The following ATRNL1 variants were observed in gnomAD, a reference collection of about 807,000 sequenced individuals.
The protein encoded by ATRNL1 is attractin-like protein 1.
ATRNL1 carries 95 observed loss-of-function variants against 182.7 expected under a neutral mutation model. That is an observed-to-expected ratio of 0.52 (90% CI 0.44 to 0.62). The LOEUF is 0.62. Ranked by LOEUF, ATRNL1 falls within the 20% of genes least tolerant of loss-of-function variation. The pLI, the probability that ATRNL1 is intolerant of heterozygous loss-of-function variation, is 0.00. For missense variants in ATRNL1, 1,471 were observed against 1,679.5 expected (o/e 0.88, Z 2.17); for synonymous variants, 576 against 568.3 (o/e 1.01, Z -0.19).
At chr10:115,839,321 C>T (rs1458597990) in intron 27 of ATRNL1, among the ~76,000 whole-genome samples, 4 of 152,052 alleles carry the variant, frequency 2.6e-5, no homozygotes, top group African/African-American at 9.7e-5. Flanking sequence ...TGCACGTGTC[C>T]GTTTCCATCC....
rs1314590902 is a variant in ATRNL1 at position 115,267,125 on chromosome 10, C to T, written c.1981+120C>T. The stretch of plus-strand genomic sequence containing the variant: ...ACAGAAATGAAAAATTTGTATTACC[C>T]TAATTAGGAATTCTAATGTTTGAAC... On this transcript the variant is annotated intron_variant, in intron 12 of 28. Transcript: ENST00000355044. 8 of 631,302 alleles carry T rather than the reference C, an allele frequency of 1.3e-5. No individual in the cohort carries two copies. In the East Asian group the frequency reaches 2.2e-4, roughly 17 times the overall value. The allele number at this position is 631,302 out of a possible 1,614,324, so 39.1% of individuals were successfully genotyped here. A position where few individuals can be genotyped will look rare whatever the true frequency, so the allele number is the denominator to read the frequency against.
At chr10:115,467,700 C>T (rs1193500420) in intron 23 of ATRNL1, among the ~76,000 whole-genome samples, 2 of 150,590 alleles carry the variant, frequency 1.3e-5, no homozygotes, top group Admixed American at 1.3e-4. Context: ...AATATAACCC[C>T]TCTTGTCAGC....
rs188503660 is a variant in ATRNL1 at position 115,517,156 on chromosome 10, A to G, written c.3655-2107A>G. On this transcript the variant is annotated intron_variant, in intron 24 of 28. Coordinates refer to ENST00000355044, the MANE Select transcript of ATRNL1 (RefSeq NM_207303.4). The stretch of plus-strand genomic sequence containing the variant: ...ACTTTTAAAAGAGATATGCATGTTA[A>G]TAATTTCTTCCAAAATTTTGCCATT... 5.3e-5 allele frequency among the ~76,000 whole-genome samples: 8 copies of G among 152,074 alleles called. No individual in the cohort carries two copies. The East Asian group carries it at 1.5e-3, about 29-fold the overall frequency.
chr10:115,537,906 G>C (rs1572403), intron 25 of ATRNL1, among the ~76,000 whole-genome samples: 106,390 of 151,914 alleles, frequency 0.7, 38,351 homozygotes, highest in African/African-American at 0.79. Context: ...ACCCCTACAC[G>C]CTGGCAACCA....
chr10:115,634,587 A>G (rs536809469), intron 26 of ATRNL1, among the ~76,000 whole-genome samples: 1 of 152,294 alleles, frequency 6.6e-6, no homozygotes, highest in East Asian at 1.9e-4. Context: ...GTAGAATTCT[A>G]TTTTGGATAA....
chr10:115,407,985 C>CTTTTTTTT (rs71010022), intron 20 of ATRNL1, among the ~76,000 whole-genome samples: 9 of 97,808 alleles, frequency 9.2e-5, no homozygotes, highest in East Asian at 6.5e-4. Flanking sequence ...ATTTGCATTT[C>CTTTTTTTT]TTTTTTTTTT....
intron 19 of ATRNL1, among the ~76,000 whole-genome samples, chr10:115,375,173 A>G (rs868930589): frequency 2.6e-5 from 4 of 151,814 alleles, no homozygotes; most frequent in Middle Eastern, 3.4e-3. Flanking sequence ...TTTGGTGCAT[A>G]TATATTTATA....
intron 15 of ATRNL1, among the ~76,000 whole-genome samples, chr10:115,290,666 G>A (rs114702990): frequency 0.013 from 1,974 of 151,922 alleles, 39 homozygotes; most frequent in African/African-American, 0.046. Context: ...CCCCACCCCC[G>A]TCCAAAAAAG....
chr10:115,752,260 T>C (rs561008910), intron 27 of ATRNL1, among the ~76,000 whole-genome samples: 2 of 152,052 alleles, frequency 1.3e-5, no homozygotes, highest in Non-Finnish European at 2.9e-5. Context: ...AGGAAGATGA[T>C]GAAACATCCA....
chr10:115,884,342 G>A (rs1951894820), intron 28 of ATRNL1, among the ~76,000 whole-genome samples: 1 of 152,182 alleles, frequency 6.6e-6, no homozygotes, highest in Non-Finnish European at 1.5e-5. Flanking sequence ...CATGCAGAAT[G>A]TTTAAGCCAT....
chr10:115,680,918 G>A (rs781875518), intron 26 of ATRNL1, among the ~76,000 whole-genome samples: 19 of 152,120 alleles, frequency 1.2e-4, no homozygotes, highest in Admixed American at 2.0e-4. Context: ...TGAATGATGG[G>A]CTTGAGAGAA....
intron 27 of ATRNL1, among the ~76,000 whole-genome samples, chr10:115,837,438 C>T (rs1555095793): frequency 7.3e-6 from 1 of 136,770 alleles, no homozygotes; most frequent in African/African-American, 2.9e-5. Context: ...AATGAGGAGA[C>T]AGCTAGTAAG....
rs371301065 is a variant in ATRNL1 at position 115,757,292 on chromosome 10, G to T, written c.3903+29937G>T. 4.7e-4 allele frequency among the ~76,000 whole-genome samples: 72 copies of T among 152,278 alleles called. No individual in the cohort carries two copies. In the East Asian group the frequency reaches 6.9e-3, roughly 15 times the overall value. ...AATTTGGTATGTTTTTGCAGTGGCT[G>T]GTACCAGTTGTTTCTTTCCATGTGT... On this transcript the variant is annotated intron_variant, in intron 27 of 28. Coordinates refer to ENST00000355044, the MANE Select transcript of ATRNL1 (RefSeq NM_207303.4).
chr10:115,178,078 C>T (rs1244815840), intron 8 of ATRNL1, among the ~76,000 whole-genome samples: 1 of 150,108 alleles, frequency 6.7e-6, no homozygotes, highest in Non-Finnish European at 1.5e-5. Flanking sequence ...ACCACCACAC[C>T]CAGCTACTTT....
intron 24 of ATRNL1, among the ~76,000 whole-genome samples, chr10:115,473,395 ATATT>A (rs1446623189): frequency 3.3e-5 from 5 of 150,788 alleles, no homozygotes; most frequent in South Asian, 2.1e-4. Flanking sequence ...TGTTGCTATT[ATATT>A]TATTTTTTAA....
At chr10:115,675,920 A>T (rs1945846957) in intron 26 of ATRNL1, among the ~76,000 whole-genome samples, 1 of 152,138 alleles carries the variant, frequency 6.6e-6, no homozygotes, top group Non-Finnish European at 1.5e-5. Flanking sequence ...GATCGCAGGA[A>T]TCCAGGCCGT....
intron 27 of ATRNL1, among the ~76,000 whole-genome samples, chr10:115,782,039 A>G (rs1949278586): frequency 1.3e-5 from 2 of 152,324 alleles, no homozygotes; most frequent in Non-Finnish European, 2.9e-5. Context: ...TCATGAACCC[A>G]AGAAAGGATT....
At chr10:115,119,178 T>C (rs1359479335) in intron 1 of ATRNL1, among the ~76,000 whole-genome samples, 1 of 152,152 alleles carries the variant, frequency 6.6e-6, no homozygotes, top group African/African-American at 2.4e-5. Context: ...AAAAGTAATT[T>C]GCAGGGATTA....
chr10:115,894,258 T>G (rs1952151365), intron 28 of ATRNL1, among the ~76,000 whole-genome samples: 1 of 152,224 alleles, frequency 6.6e-6, no homozygotes, highest in African/African-American at 2.4e-5. Flanking sequence ...TTATAGGACA[T>G]GCAATTAATG....
Sources: gnomAD v4.1 joint callset for allele counts (sites outside exome capture counted in the v4.1 genomes callset) on GRCh38, gnomAD v4.1.1 for gene constraint, MANE v1.5 for transcripts, NCBI Gene and HGNC (gene_info 2026-07-23, HGNC 2026-07-21) for gene names.